Variants in GYG2 observed in about 807,000 individuals in gnomAD.
GYG2 encodes the protein glycogenin 2.
In GYG2, 29 loss-of-function variants were observed where a neutral mutation model predicts 29.4. The ratio of observed to expected loss-of-function variants is 0.99; its 90% CI spans 0.74 to 1.35. GYG2 has a LOEUF of 1.35. Among genes scored for constraint, GYG2 ranks in the 40% most tolerant of loss-of-function variants. The pLI, the probability that GYG2 is intolerant of heterozygous loss-of-function variation, is 0.00. For synonymous variants in GYG2, 167 were observed against 172.3 expected (o/e 0.97, Z 0.24); for missense variants, 370 against 385.7 (o/e 0.96, Z 0.34).
At chrX:2,872,897 C>T (rs753176389) in intron 8 of GYG2, among the ~76,000 whole-genome samples, 3 of 111,793 alleles carry the variant, frequency 2.7e-5, no homozygotes, top group Non-Finnish European at 3.8e-5. Flanking sequence ...CTCTACCAGC[C>T]CTGGTTGAAG....
Position 2,861,514 on chromosome X carries a change from T to C in GYG2, c.838-8T>C. 2 of 1,191,231 alleles carry C rather than the reference T, an allele frequency of 1.7e-6. No homozygotes were observed. Among genetic ancestry groups the C allele is most frequent in the Non-Finnish European group, 2.3e-6 (2 of 878,337 alleles). The stretch of plus-strand genomic sequence containing the variant: ...GAAGACTCACTCCACGTGTGTGTTT[T>C]TGTGCAGCTTTGCCACAGTGATGTG... On this transcript the variant is annotated splice_region_variant and splice_polypyrimidine_tract_variant and intron_variant, in intron 7 of 10. Transcript: ENST00000398806.
At chrX:2,853,873 T>C (rs1247348324) in intron 3 of GYG2, 107 bp from the exon 4 acceptor site, 1 of 541,796 alleles carries the variant, frequency 1.8e-6, no homozygotes, top group Non-Finnish European at 3.2e-6. Flanking sequence ...GGATTCTCTT[T>C]GCATTCCACG....
intron 5 of GYG2, among the ~76,000 whole-genome samples, chrX:2,855,380 C>T (rs143701804): frequency 7.1e-4 from 80 of 112,139 alleles, no homozygotes; most frequent in African/African-American, 2.6e-3. Context: ...CTGGAGGGTA[C>T]AGCCTATTCC....
At chrX:2,834,282 G>A (rs922920016) in intron 2 of GYG2, among the ~76,000 whole-genome samples, 1 of 111,811 alleles carries the variant, frequency 8.9e-6, no homozygotes, top group East Asian at 2.8e-4. Context: ...TTAATTACTC[G>A]TTGAAGCCCC....
At chrX:2,847,533 CAAA>C (rs34368863) in intron 3 of GYG2, among the ~76,000 whole-genome samples, 2,356 of 56,230 alleles carry the variant, frequency 0.042, 114 homozygotes, top group African/African-American at 0.15. Flanking sequence ...ACTAAAAGTA[CAAA>C]AAAAAAAAAA....
Position 2,829,832 on chromosome X carries a change from G to C in GYG2, c.-128-229G>C, listed in dbSNP as rs1458844994. ...GCGCATGGGTGTTAAGACGCAGCGG[G>C]GTCGCAGGTGACTGTGGGGAGGACA... On this transcript the variant is annotated intron_variant, in intron 1 of 10. Transcript: ENST00000398806. Among the ~76,000 whole-genome samples the C allele has an allele frequency of 4.6e-5, 5 of 109,780 alleles. No individual in the cohort carries two copies. The Admixed American group carries it at 4.8e-4, about 10-fold the overall frequency.
chrX:2,857,146 T>A (rs1462373283), intron 6 of GYG2, among the ~76,000 whole-genome samples: 2 of 108,603 alleles, frequency 1.8e-5, no homozygotes, highest in Non-Finnish European at 3.8e-5. Flanking sequence ...ATGTAGATAT[T>A]TATCTATCTA....
chrX:2,875,642 A>C (rs1326141428), intron 8 of GYG2, among the ~76,000 whole-genome samples, 168 bp from the exon 9 acceptor site: 5 of 108,967 alleles, frequency 4.6e-5, no homozygotes, highest in Non-Finnish European at 9.5e-5. Flanking sequence ...AAGAAGAAGA[A>C]ACAAACACAG....
intron 6 of GYG2, among the ~76,000 whole-genome samples, chrX:2,858,911 A>C (rs1235357061): frequency 9.0e-6 from 1 of 111,670 alleles, no homozygotes; most frequent in Non-Finnish European, 1.9e-5. Flanking sequence ...CGCTTGCATT[A>C]GCCACTGTAA....
intron 3 of GYG2, 73 bp downstream of exon 3, chrX:2,843,427 C>T (rs1041036060): frequency 6.0e-6 from 5 of 840,239 alleles, no homozygotes; most frequent in Non-Finnish European, 8.4e-6. Context: ...CTAAGAGGTC[C>T]TAGGAGTTAT....
intron 10 of GYG2, among the ~76,000 whole-genome samples, chrX:2,879,727 A>C (rs750440361): frequency 1.3e-4 from 15 of 112,535 alleles, no homozygotes; most frequent in Middle Eastern, 4.6e-3. Context: ...ATAGGTAGAG[A>C]GATATTTTAG....
intron 8 of GYG2, among the ~76,000 whole-genome samples, chrX:2,864,748 ATTC>A (rs1454584498): frequency 9.2e-6 from 1 of 108,429 alleles, no homozygotes; most frequent in Non-Finnish European, 1.9e-5. Flanking sequence ...TCTTAGAAGC[ATTC>A]TTCTTTTTCT....
At chrX:2,856,690 G>A in intron 6 of GYG2, 66 bp downstream of exon 6, 1 of 949,384 alleles carries the variant, frequency 1.1e-6, no homozygotes, top group Non-Finnish European at 1.5e-6. Flanking sequence ...CCTCCTGGAA[G>A]ACATACCAGC....
In GYG2 at chrX:2,882,198, T is replaced by C. The variant is rs187098145; in HGVS notation, c.*985T>C. Reference sequence around the variant, plus strand: ...TTCATTCAATGGGCACAATATGCTGTGTATCTCACCAGGTAGCTGTCAGGG... The same window carrying C: ...TTCATTCAATGGGCACAATATGCTGCGTATCTCACCAGGTAGCTGTCAGGG... On this transcript the variant is annotated 3_prime_UTR_variant, in exon 11 of 11. Transcript: ENST00000398806. The C allele has an allele frequency of 2.3e-4, 26 of 110,774 alleles. No homozygotes were observed. The highest frequency in any genetic ancestry group is 7.2e-4 in the African/African-American group (22 of 30,463). 9.1% of individuals were successfully genotyped at this position (110,774 alleles called of 1,213,427 possible). A position where few individuals can be genotyped will look rare whatever the true frequency, so the allele number is the denominator to read the frequency against.
intron 10 of GYG2, among the ~76,000 whole-genome samples, chrX:2,880,697 C>G (rs948139841): frequency 3.6e-5 from 4 of 110,928 alleles, no homozygotes; most frequent in Non-Finnish European, 7.6e-5. Flanking sequence ...TGCTTGAGCC[C>G]GGGAATTCAA....
Position 2,881,146 on chromosome X carries a change from G to GT in GYG2, c.1347dup (p.Ile450TyrfsTer33), listed in dbSNP as rs2088712663. ...GAGAGGAGGAAGTGGGAGGAAGGCCGTATCGACTACATGGGGAAGGACGCG... is the reference window on the plus strand; with the variant it reads ...GAGAGGAGGAAGTGGGAGGAAGGCCGTTATCGACTACATGGGGAAGGACGCG... On this transcript the variant is annotated frameshift_variant, in exon 11 of 11. Coordinates refer to ENST00000398806, the MANE Select transcript of GYG2 (RefSeq NM_001079855.2). LOFTEE classifies it high-confidence loss of function. 8.3e-7 allele frequency: 1 copy of GT among 1,206,431 alleles called. No homozygotes were observed. Among genetic ancestry groups the GT allele is most frequent in the Non-Finnish European group, 1.1e-6 (1 of 892,402 alleles).
chrX:2,858,568 G>C (rs1234182113), intron 6 of GYG2, among the ~76,000 whole-genome samples: 2 of 111,901 alleles, frequency 1.8e-5, no homozygotes, highest in Non-Finnish European at 3.8e-5. Flanking sequence ...TGCTCCAGAA[G>C]ATATGGCTAT....
intron 6 of GYG2, among the ~76,000 whole-genome samples, chrX:2,857,324 A>G (rs910305957): frequency 9.1e-6 from 1 of 109,651 alleles, no homozygotes; most frequent in African/African-American, 3.3e-5. Flanking sequence ...ACATCACTAT[A>G]TAGATACCTA....
At position 2,881,393 on chromosome X, in the gene GYG2, G is replaced by A. The variant is rs1486689784; in HGVS notation, c.*180G>A. 2.6e-6 allele frequency: 1 copy of A among 385,347 alleles called. No homozygotes were observed. The highest frequency in any genetic ancestry group is 4.3e-6 in the Non-Finnish European group (1 of 232,144). 31.8% of individuals were successfully genotyped at this position (385,347 alleles called of 1,213,427 possible). Reference sequence around the variant, plus strand: ...GTAGAGTATAGAAATCCACCTTAAAGCCCCTCGCCCCAACTTCTCCACCAA... The same window carrying A: ...GTAGAGTATAGAAATCCACCTTAAAACCCCTCGCCCCAACTTCTCCACCAA... On this transcript the variant is annotated 3_prime_UTR_variant, in exon 11 of 11. Coordinates refer to ENST00000398806, the MANE Select transcript of GYG2 (RefSeq NM_001079855.2).
Sources: allele counts gnomAD v4.1 joint callset (sites outside exome capture counted in the v4.1 genomes callset), GRCh38; gene constraint gnomAD v4.1.1; transcripts MANE v1.5; gene names NCBI Gene and HGNC (gene_info 2026-07-23, HGNC 2026-07-21).